Variants in CNTN3 observed in about 807,000 individuals in gnomAD.
CNTN3 encodes contactin 3.
In CNTN3, 60 loss-of-function variants were observed where a neutral mutation model predicts 119.1. The ratio of observed to expected loss-of-function variants is 0.50; its 90% CI spans 0.41 to 0.62. The LOEUF is 0.62. Among genes scored for constraint, CNTN3 ranks in the 20% least tolerant of loss-of-function variants. CNTN3 has a pLI of 0.00. For synonymous variants in CNTN3, 450 were observed against 438.7 expected, an observed-to-expected ratio of 1.03 and a Z score of -0.32; for missense variants, 1,101 against 1,242.4, an observed-to-expected ratio of 0.89 and a Z score of 1.71.
rs374764502 is a variant in CNTN3, at chr3:74,329,131, T to C, written c.1668+5604A>G. On this transcript the variant is annotated intron_variant, in intron 13 of 22. Coordinates refer to ENST00000263665, the MANE Select transcript of CNTN3 (RefSeq NM_020872.3). Reference sequence around the variant, plus strand: ...AAATAAATCAAGTCAAAGTGGCCACTTGTATTATCACACAAAGGATCAATT... The same window carrying C: ...AAATAAATCAAGTCAAAGTGGCCACCTGTATTATCACACAAAGGATCAATT... Among the ~76,000 whole-genome samples, 4 of 152,292 alleles carry C rather than the reference T, an allele frequency of 2.6e-5. No homozygotes were observed. In the East Asian group the frequency reaches 5.8e-4, roughly 22 times the overall value.
chr3:74,404,396 T>C (rs1449414624), intron 5 of CNTN3, among the ~76,000 whole-genome samples: 3 of 152,118 alleles, frequency 2.0e-5, no homozygotes, highest in Non-Finnish European at 4.4e-5. Flanking sequence ...ATCTTCTCAA[T>C]GTCTGTTACT....
intron 21 of CNTN3, 25 bp from the exon 22 acceptor site, chr3:74,266,674 T>G: frequency 6.2e-7 from 1 of 1,605,784 alleles, no homozygotes; most frequent in African/African-American, 1.3e-5. Flanking sequence ...CAAATACACT[T>G]ACTTGTTATA....
At chr3:74,294,613 T>C (rs1400705683) in intron 19 of CNTN3, among the ~76,000 whole-genome samples, 4 of 152,220 alleles carry the variant, frequency 2.6e-5, no homozygotes, top group African/African-American at 9.6e-5. Context: ...CAGACCTTCA[T>C]TATATTTGGT....
At chr3:74,350,415 A>C (rs60445590) in intron 11 of CNTN3, among the ~76,000 whole-genome samples, 7,297 of 152,276 alleles carry the variant, frequency 0.048, 595 homozygotes, top group African/African-American at 0.17. Context: ...TAGAAAGTCA[A>C]GACATAACAG....
intron 1 of CNTN3, among the ~76,000 whole-genome samples, chr3:74,597,166 A>C (rs536909557): frequency 6.6e-6 from 1 of 152,226 alleles, no homozygotes; most frequent in South Asian, 2.1e-4. Context: ...TATTGTTTGT[A>C]CACAAGCTTC....
intron 4 of CNTN3, among the ~76,000 whole-genome samples, chr3:74,445,635 G>C (rs1702036992): frequency 6.6e-6 from 1 of 152,130 alleles, no homozygotes; most frequent in African/African-American, 2.4e-5. Flanking sequence ...GCATTACTAA[G>C]GCATGAAGTT....
intron 16 of CNTN3, among the ~76,000 whole-genome samples, chr3:74,300,645 G>C (rs9826090): frequency 1.3e-5 from 2 of 152,272 alleles, no homozygotes; most frequent in South Asian, 4.1e-4. Context: ...ATTGTTCTGA[G>C]TGAAACAGCA....
chr3:74,452,899 G>T (rs1702188050), intron 4 of CNTN3, among the ~76,000 whole-genome samples: 2 of 151,538 alleles, frequency 1.3e-5, no homozygotes, highest in Admixed American at 1.3e-4. Context: ...TTTTTGATGT[G>T]CTGCTGGATT....
chr3:74,446,392 G>T (rs931879351), intron 4 of CNTN3, among the ~76,000 whole-genome samples: 2 of 152,102 alleles, frequency 1.3e-5, no homozygotes, highest in Non-Finnish European at 2.9e-5. Context: ...CAGGGGAATA[G>T]CTTACAATAT....
At chr3:74,272,105 C>G (rs746535679) in intron 20 of CNTN3, among the ~76,000 whole-genome samples, 1 of 152,144 alleles carries the variant, frequency 6.6e-6, no homozygotes, top group Non-Finnish European at 1.5e-5. Flanking sequence ...AATCTTTTGG[C>G]TTCCCTGGGC....
chr3:74,395,030 A>AT (rs901736146), intron 5 of CNTN3, among the ~76,000 whole-genome samples: 11 of 151,802 alleles, frequency 7.2e-5, no homozygotes, highest in East Asian at 1.9e-4. Flanking sequence ...TAATCTAATG[A>AT]TTTTTTTTAA....
intron 1 of CNTN3, among the ~76,000 whole-genome samples, chr3:74,539,185 A>G (rs1703806213): frequency 6.6e-6 from 1 of 152,122 alleles, no homozygotes; most frequent in Admixed American, 6.5e-5. Context: ...AGACACTGAG[A>G]TCCAACAATT....
At chr3:74,416,904 C>T (rs1437705705) in intron 5 of CNTN3, among the ~76,000 whole-genome samples, 1 of 151,870 alleles carries the variant, frequency 6.6e-6, no homozygotes, top group Non-Finnish European at 1.5e-5. Context: ...ATGAGAATTG[C>T]TTGAACCCGG....
chr3:74,384,713 T>A (rs1489502066), intron 5 of CNTN3, among the ~76,000 whole-genome samples: 1 of 152,218 alleles, frequency 6.6e-6, no homozygotes, highest in Non-Finnish European at 1.5e-5. Context: ...CTTTGGCAGT[T>A]CATATTCTGT....
chr3:74,501,221 G>A (rs1703161318), intron 2 of CNTN3, among the ~76,000 whole-genome samples: 1 of 151,846 alleles, frequency 6.6e-6, no homozygotes, highest in South Asian at 2.1e-4. Flanking sequence ...ATGTGATTAA[G>A]GGTGAGAAAT....
At chr3:74,580,536 T>G (rs950743411) in intron 1 of CNTN3, among the ~76,000 whole-genome samples, 7 of 152,164 alleles carry the variant, frequency 4.6e-5, no homozygotes, top group Non-Finnish European at 1.0e-4. Flanking sequence ...AACACATTCG[T>G]ATATTTTAAA....
chr3:74,479,076 C>A (rs1702711858), intron 4 of CNTN3, among the ~76,000 whole-genome samples: 1 of 151,986 alleles, frequency 6.6e-6, no homozygotes, highest in African/African-American at 2.4e-5. Context: ...TTTGAAGAGA[C>A]TGTCTGGGGG....
chr3:74,504,242 G>A (rs1305093214), intron 2 of CNTN3, among the ~76,000 whole-genome samples: 2 of 152,068 alleles, frequency 1.3e-5, no homozygotes, highest in African/African-American at 2.4e-5. Context: ...CAAAACACAG[G>A]GTAAATCACA....
intron 1 of CNTN3, among the ~76,000 whole-genome samples, chr3:74,522,065 C>T (rs1306751756): frequency 6.6e-6 from 1 of 151,838 alleles, no homozygotes; most frequent in South Asian, 2.1e-4. Context: ...AAAGAGAGAA[C>T]TTGGCCTCCT....
Sources: gnomAD v4.1 joint callset for allele counts (sites outside exome capture counted in the v4.1 genomes callset) on GRCh38, gnomAD v4.1.1 for gene constraint, MANE v1.5 for transcripts, NCBI Gene and HGNC (gene_info 2026-07-23, HGNC 2026-07-21) for gene names.